LINGO2: variants seen among roughly 807,000 people sequenced by gnomAD.
LINGO2 encodes the protein leucine-rich repeat and immunoglobulin-like domain-containing nogo receptor-interacting protein 2.
In LINGO2, 14 loss-of-function variants were observed where a neutral mutation model predicts 30.6. The observed-to-expected ratio is 0.46, with a 90% confidence interval of 0.30 to 0.72. The LOEUF (loss-of-function observed/expected upper bound fraction) is 0.72. Ranked by LOEUF, LINGO2 falls within the 30% of genes least tolerant of loss-of-function variation. The probability of loss-of-function intolerance (pLI) is 0.07; values close to 1 mark genes in which losing one functional copy is unlikely to be tolerated. For synonymous variants in LINGO2, 317 were observed against 288.5 expected, an observed-to-expected ratio of 1.10 and a Z score of -1.00; for missense variants, 729 against 751.7, an observed-to-expected ratio of 0.97 and a Z score of 0.35.
At chr9:28,511,658 G>A (rs976990815) in intron 1 of LINGO2, among the ~76,000 whole-genome samples, 4 of 152,154 alleles carry the variant, frequency 2.6e-5, no homozygotes, top group African/African-American at 7.2e-5. Context: ...CACTCAGAGA[G>A]GTCCATTCAC....
chr9:28,718,455 C>A, the LINGO2 span, among the ~76,000 whole-genome samples: 6 of 152,044 alleles, frequency 3.9e-5, no homozygotes, highest in Non-Finnish European at 7.4e-5. Context: ...TCATACCAGA[C>A]AATTTCGAAA....
chr9:28,380,286 T>A (rs554640974), intron 2 of LINGO2, among the ~76,000 whole-genome samples: 68 of 152,088 alleles, frequency 4.5e-4, no homozygotes, highest in African/African-American at 1.6e-3. Context: ...GTCTGTTTCT[T>A]AGCCTACCCA....
At chr9:28,514,400 G>A (rs1441852443) in intron 1 of LINGO2, among the ~76,000 whole-genome samples, 2 of 152,170 alleles carry the variant, frequency 1.3e-5, no homozygotes, top group Non-Finnish European at 2.9e-5. Context: ...AGTTAGATAA[G>A]TTGTGAATGC....
At chr9:29,075,505 C>T in the LINGO2 span, among the ~76,000 whole-genome samples, 211 of 152,208 alleles carry the variant, frequency 1.4e-3, 3 homozygotes, top group African/African-American at 3.6e-3. Flanking sequence ...CCCACAATAC[C>T]GTTTCTTTTA....
rs550118404 is a variant in LINGO2 at position 28,150,995 on chromosome 9, T to TTAGAG, written c.-86-138595_-86-138591dup. Among the ~76,000 whole-genome samples the TTAGAG allele has an allele frequency of 8.9e-4, 135 of 152,342 alleles. 2 individuals are homozygous for TTAGAG. The South Asian group carries it at 0.018, about 21-fold the overall frequency. ...AAGAAACACACAATTGCAAAGCCTTTTAGAGTATTTCAGAATAAAACAAAA... is the reference window on the plus strand; with the variant it reads ...AAGAAACACACAATTGCAAAGCCTTTTAGAGTAGAGTATTTCAGAATAAAACAAAA... On this transcript the variant is annotated intron_variant, in intron 4 of 5. Transcript: ENST00000379992.
At chr9:29,203,048 G>C in the LINGO2 span, among the ~76,000 whole-genome samples, 1 of 152,086 alleles carries the variant, frequency 6.6e-6, no homozygotes, top group Non-Finnish European at 1.5e-5. Context: ...GTACCTGTGA[G>C]AAGAATCTTG....
intron 4 of LINGO2, among the ~76,000 whole-genome samples, chr9:28,117,853 G>A (rs1383406071): frequency 6.6e-6 from 1 of 152,090 alleles, no homozygotes; most frequent in African/African-American, 2.4e-5. Context: ...AGATGGAAAT[G>A]CAGATATCAC....
At chr9:28,742,524 A>G in the LINGO2 span, among the ~76,000 whole-genome samples, 1 of 151,342 alleles carries the variant, frequency 6.6e-6, no homozygotes, top group Non-Finnish European at 1.5e-5. Flanking sequence ...ATTTACTTCA[A>G]GTTTATATTG....
At chr9:28,173,459 TGA>T (rs1828658676) in intron 4 of LINGO2, among the ~76,000 whole-genome samples, 1 of 152,168 alleles carries the variant, frequency 6.6e-6, no homozygotes, top group Non-Finnish European at 1.5e-5. Flanking sequence ...TTCTTTTTAT[TGA>T]GTCTTTAAGG....
the LINGO2 span, among the ~76,000 whole-genome samples, chr9:28,825,895 G>A: frequency 6.6e-6 from 1 of 152,102 alleles, no homozygotes; most frequent in Non-Finnish European, 1.5e-5. Flanking sequence ...ATTTTTCTGA[G>A]CAGAATTTGA....
At chr9:28,187,972 C>T (rs114464737) in intron 4 of LINGO2, among the ~76,000 whole-genome samples, 5,757 of 152,186 alleles carry the variant, frequency 0.038, 350 homozygotes, top group African/African-American at 0.13. Context: ...TTGTTCTCGT[C>T]ACCTCAGACA....
At chr9:28,573,403 A>T (rs142093903) in intron 1 of LINGO2, among the ~76,000 whole-genome samples, 1,826 of 152,258 alleles carry the variant, frequency 0.012, 34 homozygotes, top group African/African-American at 0.04. Context: ...AAATGCAAAG[A>T]CCCTAAAGTT....
chr9:28,829,852 T>C, the LINGO2 span, among the ~76,000 whole-genome samples: 4 of 151,826 alleles, frequency 2.6e-5, no homozygotes, highest in Admixed American at 6.6e-5. Flanking sequence ...ATCATGCCAC[T>C]GCACTCCAGC....
In LINGO2 at chr9:28,554,966, A is replaced by G. The variant is rs539833937; in HGVS notation, c.-364-78941T>C. Among the ~76,000 whole-genome samples the G allele has an allele frequency of 1.5e-4, 19 of 128,118 alleles. 1 individual carries two copies. Among genetic ancestry groups the G allele is most frequent in the African/African-American group, 6.0e-4 (17 of 28,472 alleles). The allele number at this position is 128,118 out of a possible 152,430, so 84.1% of individuals were successfully genotyped here. ...AAACCAACGAGAACAAAGACACCAC[A>G]TACCAGAATCTCTGGGACGCATTCA... On this transcript the variant is annotated intron_variant, in intron 1 of 5. Coordinates refer to ENST00000379992, the Ensembl canonical transcript of LINGO2.
chr9:28,342,675 T>C (rs1039605136), intron 3 of LINGO2, among the ~76,000 whole-genome samples: 1 of 151,960 alleles, frequency 6.6e-6, no homozygotes, highest in African/African-American at 2.4e-5. Flanking sequence ...GGGTGAGTGG[T>C]GGTGGGGAGG....
At chr9:28,774,740 G>T in the LINGO2 span, among the ~76,000 whole-genome samples, 1 of 152,152 alleles carries the variant, frequency 6.6e-6, no homozygotes, top group Non-Finnish European at 1.5e-5. Flanking sequence ...AGTAAATTAC[G>T]TTCAGGAATA....
At chr9:28,417,281 G>C (rs377106372) in intron 2 of LINGO2, among the ~76,000 whole-genome samples, 1 of 152,152 alleles carries the variant, frequency 6.6e-6, no homozygotes, top group Non-Finnish European at 1.5e-5. Context: ...GTGGTGTTCA[G>C]TCCCATACTT....
chr9:28,883,628 GTATATATATATA>G, the LINGO2 span, among the ~76,000 whole-genome samples: 71 of 64,176 alleles, frequency 1.1e-3, 3 homozygotes, highest in South Asian at 1.3e-3. Flanking sequence ...ATGTGTGTGT[GTATATATATATA>G]TATATATATA....
At chr9:28,802,445 T>C in the LINGO2 span, among the ~76,000 whole-genome samples, 2 of 152,058 alleles carry the variant, frequency 1.3e-5, no homozygotes, top group Non-Finnish European at 2.9e-5. Flanking sequence ...TCTACTTTAT[T>C]TTATTGCCAA....
Sources: gnomAD v4.1 joint callset for allele counts (sites outside exome capture counted in the v4.1 genomes callset) on GRCh38, gnomAD v4.1.1 for gene constraint, MANE v1.5 for transcripts, NCBI Gene and HGNC (gene_info 2026-07-23, HGNC 2026-07-21) for gene names.